The following PCDHA5 variants were observed in gnomAD, a reference collection of about 807,000 sequenced individuals.
The protein encoded by PCDHA5 is protocadherin alpha 5.
A neutral mutation model predicts 61.6 loss-of-function variants in PCDHA5; 43 were observed. That is an observed-to-expected ratio of 0.70 (90% CI 0.55 to 0.90). The LOEUF is 0.90. Among genes scored for constraint, PCDHA5 ranks in the 40% least tolerant of loss-of-function variants. The pLI is 0.00. For missense variants in PCDHA5, 1,298 were observed against 1,222.7 expected, an observed-to-expected ratio of 1.06 and a Z score of -0.92; for synonymous variants, 627 against 543.9, an observed-to-expected ratio of 1.15 and a Z score of -2.13.
intron 1 of PCDHA5, among the ~76,000 whole-genome samples, chr5:140,872,410 T>A (rs2053645814): frequency 6.6e-6 from 1 of 152,110 alleles, no homozygotes; most frequent in South Asian, 2.1e-4. Flanking sequence ...GAGAATTGCT[T>A]GAGCCCAAGA....
chr5:140,842,387 T>A lies in PCDHA5; in HGVS notation c.2352+18260T>A, dbSNP rs2150335066. On this transcript the variant is annotated intron_variant, in intron 1 of 3. Coordinates refer to ENST00000529859, the MANE Select transcript of PCDHA5 (RefSeq NM_018908.3). ...CCCTGAGATAGCACTGACTTCCTTA[T>A]CCTTGCCTGTACGTGAAGACGCTCA... The A allele has an allele frequency of 8.7e-6, 14 of 1,611,016 alleles. 1 individual carries two copies. The South Asian group carries it at 1.4e-4, about 16-fold the overall frequency.
chr5:140,982,689 T>A, intron 3 of PCDHA5, 126 bp downstream of exon 3: 1 of 1,413,688 alleles, frequency 7.1e-7, no homozygotes, highest in Non-Finnish European at 9.3e-7. Context: ...CTTTTTTCCA[T>A]ACATACATGA....
At chr5:140,929,174 G>A (rs782544510) in intron 1 of PCDHA5, 2 of 1,614,140 alleles carry the variant, frequency 1.2e-6, no homozygotes, top group East Asian at 4.5e-5. Context: ...GCCTCTCTGG[G>A]ACTTGGTTCT....
chr5:140,960,993 A>G (rs1053601284), intron 1 of PCDHA5, among the ~76,000 whole-genome samples: 1 of 152,140 alleles, frequency 6.6e-6, no homozygotes, highest in Non-Finnish European at 1.5e-5. Context: ...AAAATGCTCA[A>G]TTTGCTGCTG....
chr5:140,872,785 C>A (rs781982200), intron 1 of PCDHA5, among the ~76,000 whole-genome samples: 1 of 152,072 alleles, frequency 6.6e-6, no homozygotes, highest in Non-Finnish European at 1.5e-5. Context: ...ATAATATATG[C>A]TAGTTGGCAT....
At chr5:140,986,371 G>C (rs1453761888) in intron 3 of PCDHA5, among the ~76,000 whole-genome samples, 1 of 152,116 alleles carries the variant, frequency 6.6e-6, no homozygotes, top group Non-Finnish European at 1.5e-5. Flanking sequence ...AATGCGTTTT[G>C]GGGGGAGGGA....
chr5:140,979,060 C>T, intron 2 of PCDHA5, 53 bp downstream of exon 2: 1 of 1,606,180 alleles, frequency 6.2e-7, no homozygotes, highest in Non-Finnish European at 8.5e-7. Context: ...TGGTATGGCT[C>T]AGATAAACTG....
At chr5:140,883,621 C>T (rs368758287) in intron 1 of PCDHA5, 80 of 1,613,850 alleles carry the variant, frequency 5.0e-5, no homozygotes, top group Non-Finnish European at 6.4e-5. Flanking sequence ...TGAACGACAA[C>T]GCGCCGGCGT....
At chr5:140,829,083 C>T (rs2150162382) in intron 1 of PCDHA5, 3 of 1,611,052 alleles carry the variant, frequency 1.9e-6, no homozygotes, top group Non-Finnish European at 2.5e-6. Flanking sequence ...CCTCCCATGG[C>T]GGGTCATTGC....
chr5:140,990,671 C>T (rs2097406151), intron 3 of PCDHA5, among the ~76,000 whole-genome samples: 2 of 152,176 alleles, frequency 1.3e-5, no homozygotes, highest in South Asian at 4.1e-4. Flanking sequence ...ATTAGATGCA[C>T]ACCAAGCTGC....
chr5:140,849,948 CAGG>C (rs1562462413), intron 1 of PCDHA5: 1 of 1,597,844 alleles, frequency 6.3e-7, no homozygotes, highest in Admixed American at 1.7e-5. Flanking sequence ...CGCTGACGCG[CAGG>C]AGAACGCCCT....
chr5:140,900,927 G>A (rs2068371563), intron 1 of PCDHA5, among the ~76,000 whole-genome samples: 2 of 152,056 alleles, frequency 1.3e-5, no homozygotes, highest in South Asian at 4.1e-4. Context: ...ATATCTCATT[G>A]TAGTTTTGAT....
intron 1 of PCDHA5, chr5:140,863,133 G>T (rs2047814450): frequency 5.0e-6 from 3 of 600,930 alleles, no homozygotes; most frequent in African/African-American, 1.9e-5. Flanking sequence ...GCCACCGCCT[G>T]CTGGTGCTGG....
At chr5:140,856,634 C>A (rs2044123180) in intron 1 of PCDHA5, 2 of 1,597,826 alleles carry the variant, frequency 1.3e-6, no homozygotes, top group African/African-American at 1.3e-5. Flanking sequence ...GCTTGTTCTG[C>A]GGAAGCTGCT....
At chr5:140,862,614 C>A (rs939104961) in intron 1 of PCDHA5, 11 of 523,250 alleles carry the variant, frequency 2.1e-5, no homozygotes, top group Non-Finnish European at 3.9e-5. Flanking sequence ...TGAAAGGTAA[C>A]AACCCGCGGG....
chr5:140,972,244 A>G (rs2096526797), intron 1 of PCDHA5, among the ~76,000 whole-genome samples: 1 of 151,646 alleles, frequency 6.6e-6, no homozygotes, highest in African/African-American at 2.4e-5. Context: ...GGCTCAAGCA[A>G]TCCTCACACA....
At chr5:140,917,326 G>GA (rs1425389614) in intron 1 of PCDHA5, among the ~76,000 whole-genome samples, 3 of 149,490 alleles carry the variant, frequency 2.0e-5, no homozygotes, top group Non-Finnish European at 4.5e-5. Flanking sequence ...TCATGTGGCG[G>GA]GGGAGGGGGG....
intron 1 of PCDHA5, chr5:140,881,964 A>G (rs1297923565): frequency 8.1e-6 from 3 of 368,944 alleles, no homozygotes; most frequent in East Asian, 9.0e-5. Context: ...TTAATCTTCA[A>G]TTACATATTT....
chr5:140,843,894 A>G, intron 1 of PCDHA5: 1 of 670,078 alleles, frequency 1.5e-6, no homozygotes, highest in Non-Finnish European at 2.5e-6. Context: ...AGTATTAATC[A>G]TTCTCCACAA....
Sources: gnomAD v4.1 joint callset for allele counts (sites outside exome capture counted in the v4.1 genomes callset) on GRCh38, gnomAD v4.1.1 for gene constraint, MANE v1.5 for transcripts, NCBI Gene and HGNC (gene_info 2026-07-23, HGNC 2026-07-21) for gene names.